EML6: variants seen among roughly 807,000 people sequenced by gnomAD.
EML6 encodes the protein echinoderm microtubule-associated protein-like 6.
In EML6, 154 loss-of-function variants were observed where a neutral mutation model predicts 240.1. The observed-to-expected ratio is 0.64, with a 90% CI of 0.56 to 0.73. EML6 has a LOEUF of 0.73. Ranked by LOEUF, EML6 falls within the 30% of genes least tolerant of loss-of-function variation. The probability of loss-of-function intolerance (pLI) is 0.00; values close to 1 mark genes in which losing one functional copy is unlikely to be tolerated. For synonymous variants in EML6, 1,148 were observed against 899.0 expected (o/e 1.28, Z -4.95); for missense variants, 2,964 against 2,474.6 (o/e 1.20, Z -4.20).
chr2:54,860,455 C>T (rs190613460), intron 12 of EML6, among the ~76,000 whole-genome samples: 1 of 152,270 alleles, frequency 6.6e-6, no homozygotes, highest in Non-Finnish European at 1.5e-5. Flanking sequence ...ACTTGGCGGC[C>T]TGGCTTCTAA....
intron 17 of EML6, 148 bp downstream of exon 17, chr2:54,879,788 T>A: frequency 1.6e-6 from 1 of 618,770 alleles, no homozygotes; most frequent in Non-Finnish European, 2.9e-6. Flanking sequence ...AATACTGCAG[T>A]ATTTCATGGT....
At chr2:54,758,777 A>G (rs1468803704) in intron 2 of EML6, among the ~76,000 whole-genome samples, 2 of 152,162 alleles carry the variant, frequency 1.3e-5, no homozygotes, top group African/African-American at 4.8e-5. Context: ...TCTTGTTTTA[A>G]GAGGCTTTGC....
chr2:54,967,436 T>G (rs1676797481), intron 39 of EML6, among the ~76,000 whole-genome samples: 1 of 151,364 alleles, frequency 6.6e-6, no homozygotes, highest in East Asian at 1.9e-4. Context: ...GGGAAGGGAG[T>G]GGGAGGGCCA....
chr2:54,878,698 A>G (rs937174620), intron 16 of EML6, among the ~76,000 whole-genome samples: 4 of 152,232 alleles, frequency 2.6e-5, no homozygotes, highest in African/African-American at 9.6e-5. Flanking sequence ...TGTGAAAACT[A>G]GACAATAAGC....
intron 2 of EML6, among the ~76,000 whole-genome samples, chr2:54,764,699 A>G (rs185685707): frequency 6.6e-6 from 1 of 152,344 alleles, no homozygotes; most frequent in Admixed American, 6.5e-5. Context: ...CTATCTCATC[A>G]GGAGTGACTG....
At chr2:54,742,175 T>C (rs1683672655) in intron 2 of EML6, among the ~76,000 whole-genome samples, 1 of 152,234 alleles carries the variant, frequency 6.6e-6, no homozygotes, top group Non-Finnish European at 1.5e-5. Context: ...GATCTGTCTC[T>C]GCCTTGCTTA....
At chr2:54,885,018 C>T (rs4671985) in intron 17 of EML6, among the ~76,000 whole-genome samples, 130,784 of 152,018 alleles carry the variant, frequency 0.86, 56,540 homozygotes, top group East Asian at 0.9. Context: ...AAAAATTACC[C>T]GGGCATGATG....
intron 17 of EML6, among the ~76,000 whole-genome samples, chr2:54,888,125 A>T (rs1672253626): frequency 1.3e-5 from 2 of 152,240 alleles, no homozygotes; most frequent in Admixed American, 1.3e-4. Flanking sequence ...GCAAGGAGAC[A>T]GGAGGCAGTG....
intron 26 of EML6, among the ~76,000 whole-genome samples, chr2:54,918,312 C>G (rs1417979564): frequency 5.3e-5 from 8 of 152,162 alleles, no homozygotes; most frequent in Non-Finnish European, 1.2e-4. Flanking sequence ...GAACCTCCCC[C>G]TCAATTCAGT....
chr2:54,953,860 C>T, intron 31 of EML6, 123 bp from the exon 32 acceptor site: 1 of 789,218 alleles, frequency 1.3e-6, no homozygotes, highest in South Asian at 2.0e-5. Context: ...GCACTCTGGC[C>T]TGGGCAACAG....
intron 16 of EML6, among the ~76,000 whole-genome samples, chr2:54,878,172 C>A (rs1403805667): frequency 6.6e-6 from 1 of 152,142 alleles, no homozygotes; most frequent in African/African-American, 2.4e-5. Flanking sequence ...ACCTGAAATG[C>A]CAGTTTAACA....
chr2:54,763,056 ATTAT>A (rs1668045546), intron 2 of EML6, among the ~76,000 whole-genome samples: 1 of 152,134 alleles, frequency 6.6e-6, no homozygotes, highest in African/African-American at 2.4e-5. Flanking sequence ...TCTCCCATTT[ATTAT>A]TTATGTCTCT....
chr2:54,968,972 G>A (rs1676873204), intron 41 of EML6, among the ~76,000 whole-genome samples: 1 of 152,278 alleles, frequency 6.6e-6, no homozygotes, highest in Admixed American at 6.5e-5. Context: ...CAACCCAATG[G>A]TTGTGACTGG....
At chr2:54,918,982 C>T (rs963684026) in intron 26 of EML6, among the ~76,000 whole-genome samples, 19 of 152,262 alleles carry the variant, frequency 1.2e-4, no homozygotes, top group South Asian at 4.1e-4. Context: ...CAATATTTTC[C>T]GGAGCCTATT....
At position 54,899,646 on chromosome 2, in the gene EML6, C is replaced by T. The variant is rs184556276; in HGVS notation, c.2988C>T (p.His996=). The change falls in exon 22 of 42, where the codon CAC becomes CAT. Residue 996 remains histidine (H), a synonymous_variant. Coordinates refer to ENST00000356458, the MANE Select transcript of EML6 (RefSeq NM_001039753.4). ...SGPMTLLVQG[H]MEGEVWGLAA... is the part of the protein sequence containing the mutation. ...CCCCTTTTCCTCTCCCACAGGGGCA[C>T]ATGGAAGGAGAAGTGTGGGGGTTGG... 3.1e-5 allele frequency: 48 copies of T among 1,553,180 alleles called. No individual in the cohort carries two copies. The East Asian group carries it at 1.0e-3, about 33-fold the overall frequency.
At chr2:54,958,134 C>G (rs749927927) in intron 33 of EML6, 136 bp downstream of exon 33, 11 of 697,918 alleles carry the variant, frequency 1.6e-5, no homozygotes, top group Admixed American at 1.4e-4. Flanking sequence ...CCTGTACTGG[C>G]TTATCTGCAA....
At position 54,850,198 on chromosome 2, in the gene EML6, G is replaced by T. The variant is rs201339209; in HGVS notation, c.1424G>T (p.Arg475Leu). ...CAAACTAATGACGGTGCAGGAGAAC[G>T]ATTGTTCTACAGAATGCCATGTAAG... ...YLQTNDGAGE[R>L]LFYRMPSGKP... Residue 475 changes from arginine to leucine, a missense_variant, in exon 10 of 42, where the codon CGA becomes CTA. By Grantham distance (102) the Arg-to-Leu change is moderately radical. Transcript: ENST00000356458. The T allele has an allele frequency of 6.4e-7, 1 of 1,551,610 alleles. No individual in the cohort carries two copies. Among genetic ancestry groups the T allele is most frequent in the East Asian group, 2.4e-5 (1 of 40,910 alleles).
chr2:54,796,387 A>C (rs1669773338), intron 2 of EML6, among the ~76,000 whole-genome samples: 2 of 152,244 alleles, frequency 1.3e-5, no homozygotes, highest in East Asian at 3.8e-4. Context: ...CCATTTCTTA[A>C]AGGGAAAATG....
intron 11 of EML6, among the ~76,000 whole-genome samples, chr2:54,854,341 A>T (rs1359303219): frequency 6.6e-6 from 1 of 152,164 alleles, no homozygotes; most frequent in Non-Finnish European, 1.5e-5. Flanking sequence ...ATAACTGGTG[A>T]AATTTTTGAG....
Sources: allele counts gnomAD v4.1 joint callset (sites outside exome capture counted in the v4.1 genomes callset), GRCh38; gene constraint gnomAD v4.1.1; transcripts MANE v1.5; gene names NCBI Gene and HGNC (gene_info 2026-07-23, HGNC 2026-07-21).